The following PTGER3 variants were observed in gnomAD, a reference collection of about 807,000 sequenced individuals.
The protein encoded by PTGER3 is prostaglandin E2 receptor EP3 subtype.
Under a neutral mutation model 34.7 loss-of-function variants are expected in PTGER3, and 22 were observed. The ratio of observed to expected loss-of-function variants is 0.63; its 90% CI spans 0.45 to 0.91. The LOEUF (loss-of-function observed/expected upper bound fraction) is 0.91, where lower values mean the gene tolerates loss of function less well. Among genes scored for constraint, PTGER3 ranks in the 40% least tolerant of loss-of-function variants. The pLI is 0.00. For missense variants in PTGER3, 468 were observed against 519.4 expected, an observed-to-expected ratio of 0.90 and a Z score of 0.96; for synonymous variants, 241 against 230.1, an observed-to-expected ratio of 1.05 and a Z score of -0.43.
intron 4 of PTGER3, among the ~76,000 whole-genome samples, chr1:70,898,549 G>T (rs985488049): frequency 6.6e-6 from 1 of 152,074 alleles, no homozygotes; most frequent in Non-Finnish European, 1.5e-5. Flanking sequence ...CACTGTAACT[G>T]CATCATGCAG....
At chr1:71,007,736 T>C (rs1374052966) in intron 2 of PTGER3, 11 of 985,214 alleles carry the variant, frequency 1.1e-5, no homozygotes, top group African/African-American at 1.7e-5. Context: ...GAGAAATCTA[T>C]ATTTGAATTA....
intron 4 of PTGER3, among the ~76,000 whole-genome samples, chr1:70,874,766 G>C (rs72669126): frequency 1.2e-3 from 186 of 151,858 alleles, no homozygotes; most frequent in Non-Finnish European, 1.9e-3. Context: ...CATTTTCCCA[G>C]GAGAAATTGA....
intron 4 of PTGER3, among the ~76,000 whole-genome samples, chr1:70,917,204 C>A (rs1647193932): frequency 6.6e-6 from 1 of 151,758 alleles, no homozygotes; most frequent in Admixed American, 6.6e-5. Flanking sequence ...CTTTCCCCCT[C>A]TCTCCTCAGT....
At chr1:71,044,773 A>G (rs185683449) in intron 1 of PTGER3, among the ~76,000 whole-genome samples, 1 of 152,328 alleles carries the variant, frequency 6.6e-6, no homozygotes, top group African/African-American at 2.4e-5. Context: ...ACAATAAATT[A>G]TAAGTCTGAT....
At chr1:71,036,549 A>G (rs1659839750) in intron 1 of PTGER3, among the ~76,000 whole-genome samples, 1 of 151,874 alleles carries the variant, frequency 6.6e-6, no homozygotes, top group Admixed American at 6.6e-5. Context: ...AATAAAAAAT[A>G]AAAGAAAGGG....
At chr1:70,916,420 C>G (rs1420581880) in intron 4 of PTGER3, among the ~76,000 whole-genome samples, 1 of 152,070 alleles carries the variant, frequency 6.6e-6, no homozygotes, top group Non-Finnish European at 1.5e-5. Context: ...ACCAAAAAGA[C>G]ATATGCACTC....
chr1:71,017,120 A>T (rs1473654765), intron 1 of PTGER3, among the ~76,000 whole-genome samples: 1 of 152,092 alleles, frequency 6.6e-6, no homozygotes, highest in Non-Finnish European at 1.5e-5. Flanking sequence ...TGCAGATGTG[A>T]TTAAGGTAAA....
intron 4 of PTGER3, among the ~76,000 whole-genome samples, chr1:70,887,028 G>C (rs1171885864): frequency 6.6e-6 from 1 of 152,090 alleles, no homozygotes; most frequent in Non-Finnish European, 1.5e-5. Flanking sequence ...AAATAGTTTG[G>C]GATCAATAAT....
At chr1:70,871,960 A>G (rs114124957) in intron 4 of PTGER3, among the ~76,000 whole-genome samples, 2,256 of 152,262 alleles carry the variant, frequency 0.015, 49 homozygotes, top group African/African-American at 0.052. Context: ...TACTTTCATC[A>G]AGGTCACTAG....
chr1:70,934,220 A>G (rs1245691019), intron 4 of PTGER3, among the ~76,000 whole-genome samples: 1 of 152,178 alleles, frequency 6.6e-6, no homozygotes, highest in Non-Finnish European at 1.5e-5. Context: ...TAAACTACCC[A>G]CAAAGCAAAA....
chr1:71,047,459 G>A lies in PTGER3; in HGVS notation c.119C>T (p.Pro40Leu). 4 of 1,610,066 alleles carry A rather than the reference G, an allele frequency of 2.5e-6. No individual in the cohort carries two copies. Among genetic ancestry groups the A allele is most frequent in the South Asian group, 1.1e-5 (1 of 90,108 alleles). ...TCCGCAATCCTCGCCAGACCCTGGA[G>A]GGCGCGTGAGGTTGCCCCGCGCCTC... ...SAEARGNLTRPPGSGEDCGSV... is the reference protein window; with the variant it reads ...SAEARGNLTRLPGSGEDCGSV... The change falls in exon 1 of 4, where the codon CCT becomes CTT. Residue 40 changes from proline to leucine, a missense_variant. Around this residue, in one of 5 missense-constraint regions of PTGER3, gnomAD observed 151 missense variants for 133.5 expected, o/e 1.13. Coordinates refer to ENST00000306666, the MANE Select transcript of PTGER3 (RefSeq NM_198719.2).
chr1:70,893,921 A>G (rs1330311514), intron 4 of PTGER3, among the ~76,000 whole-genome samples: 1 of 152,038 alleles, frequency 6.6e-6, no homozygotes, highest in Non-Finnish European at 1.5e-5. Context: ...AAAATAAAAA[A>G]TTTAATCTAC....
intron 4 of PTGER3, among the ~76,000 whole-genome samples, chr1:70,926,180 G>T (rs192008167): frequency 6.6e-6 from 1 of 152,246 alleles, no homozygotes; most frequent in Admixed American, 6.5e-5. Flanking sequence ...GAGTATTTAA[G>T]AACTATTTAA....
At chr1:70,926,703 A>G (rs1328068885) in intron 4 of PTGER3, among the ~76,000 whole-genome samples, 1 of 151,840 alleles carries the variant, frequency 6.6e-6, no homozygotes, top group Non-Finnish European at 1.5e-5. Flanking sequence ...CCTGGCCAGA[A>G]CTTCCAACAC....
At chr1:70,953,107 A>G (rs1243257453) in intron 3 of PTGER3, 3 of 1,449,006 alleles carry the variant, frequency 2.1e-6, no homozygotes, top group Non-Finnish European at 2.8e-6. Flanking sequence ...AAAAAATAAC[A>G]ATATGAAAAT....
chr1:70,943,120 G>A (rs1183323598), intron 4 of PTGER3, among the ~76,000 whole-genome samples: 1 of 152,076 alleles, frequency 6.6e-6, no homozygotes, highest in Non-Finnish European at 1.5e-5. Context: ...TTACTTGTCT[G>A]TCTCCTCAAC....
intron 2 of PTGER3, among the ~76,000 whole-genome samples, chr1:70,955,952 G>T (rs938413901): frequency 6.6e-6 from 1 of 152,134 alleles, no homozygotes; most frequent in African/African-American, 2.4e-5. Flanking sequence ...GTCTAGGATT[G>T]ATCTTAACTG....
At chr1:71,013,495 G>A (rs1419901447) in intron 1 of PTGER3, among the ~76,000 whole-genome samples, 2 of 152,098 alleles carry the variant, frequency 1.3e-5, no homozygotes, top group African/African-American at 2.4e-5. Flanking sequence ...TTGAGGTCAG[G>A]AGTTCGAGAC....
intron 4 of PTGER3, among the ~76,000 whole-genome samples, chr1:70,911,742 C>G (rs1203122092): frequency 6.6e-6 from 1 of 152,070 alleles, no homozygotes; most frequent in East Asian, 1.9e-4. Context: ...CTGAAAAACT[C>G]AGAGGAAATC....
Sources: gnomAD v4.1 joint callset for allele counts (sites outside exome capture counted in the v4.1 genomes callset) on GRCh38, gnomAD v4.1.1 for gene constraint, gnomAD v4.1.1 regional missense constraint, MANE v1.5 for transcripts, NCBI Gene and HGNC (gene_info 2026-07-23, HGNC 2026-07-21) for gene names.